CERS6: variants seen among roughly 807,000 people sequenced by gnomAD.
CERS6 encodes LAG1 homolog, ceramide synthase 6.
CERS6 carries 26 observed loss-of-function variants against 56.8 expected under a neutral mutation model. The ratio of observed to expected loss-of-function variants is 0.46; its 90% CI spans 0.34 to 0.63. CERS6 has a LOEUF of 0.63. Ranked by LOEUF, CERS6 falls within the 30% of genes least tolerant of loss-of-function variation. The pLI, the probability that CERS6 is intolerant of heterozygous loss-of-function variation, is 0.01. For missense variants in CERS6, 415 were observed against 467.5 expected (o/e 0.89, Z 1.04); for synonymous variants, 164 against 173.3 (o/e 0.95, Z 0.42).
chr2:168,499,582 A>T (rs1694541858), intron 1 of CERS6, among the ~76,000 whole-genome samples: 4 of 152,088 alleles, frequency 2.6e-5, no homozygotes, highest in African/African-American at 9.7e-5. Flanking sequence ...TTTTTTCTGT[A>T]TGGGTTTCTA....
intron 1 of CERS6, among the ~76,000 whole-genome samples, chr2:168,483,402 C>T (rs558409171): frequency 6.6e-6 from 1 of 152,098 alleles, no homozygotes; most frequent in South Asian, 2.1e-4. Flanking sequence ...CTCAAAATTC[C>T]GAGTTTCAGC....
At chr2:168,628,386 A>C (rs1684638583) in intron 3 of CERS6, among the ~76,000 whole-genome samples, 1 of 152,176 alleles carries the variant, frequency 6.6e-6, no homozygotes, top group Non-Finnish European at 1.5e-5. Flanking sequence ...ATGTCTATAG[A>C]CTTGGCCCCA....
chr2:168,469,309 A>G (rs1027576887), intron 1 of CERS6, among the ~76,000 whole-genome samples: 4 of 152,194 alleles, frequency 2.6e-5, no homozygotes, highest in South Asian at 2.1e-4. Context: ...GTAGTTAGCC[A>G]TGTAAATAAT....
chr2:168,744,003 T>C (rs1402916475), intron 8 of CERS6, among the ~76,000 whole-genome samples: 2 of 130,836 alleles, frequency 1.5e-5, no homozygotes, highest in Non-Finnish European at 1.6e-5. Flanking sequence ...TTCTTTTTTT[T>C]TTTTTTTTTT....
chr2:168,586,430 A>C (rs1267459604), intron 3 of CERS6, among the ~76,000 whole-genome samples: 2 of 152,154 alleles, frequency 1.3e-5, no homozygotes, highest in Admixed American at 6.5e-5. Context: ...AATGAAGATA[A>C]TTGCAAATTA....
intron 8 of CERS6, among the ~76,000 whole-genome samples, chr2:168,719,160 A>G (rs1470888617): frequency 1.3e-5 from 2 of 152,208 alleles, no homozygotes; most frequent in Non-Finnish European, 2.9e-5. Flanking sequence ...GGTAATGCTG[A>G]TAATTCAGTT....
At chr2:168,604,529 A>C (rs1172505531) in intron 3 of CERS6, among the ~76,000 whole-genome samples, 3 of 152,290 alleles carry the variant, frequency 2.0e-5, no homozygotes, top group African/African-American at 7.2e-5. Context: ...GCCAAATCTC[A>C]TGTTGAAATG....
intron 8 of CERS6, among the ~76,000 whole-genome samples, chr2:168,743,995 C>CTTTTTTT (rs58256507): frequency 6.0e-4 from 38 of 63,302 alleles, no homozygotes; most frequent in East Asian, 1.8e-3. Flanking sequence ...TCTTTTTTTT[C>CTTTTTTT]TTTTTTTTTT....
At chr2:168,673,136 A>G (rs1685964436) in intron 4 of CERS6, among the ~76,000 whole-genome samples, 1 of 152,174 alleles carries the variant, frequency 6.6e-6, no homozygotes, top group Non-Finnish European at 1.5e-5. Context: ...TTAATTTCCT[A>G]AATTATTATC....
intron 1 of CERS6, among the ~76,000 whole-genome samples, chr2:168,496,669 A>G (rs1417291370): frequency 1.3e-5 from 2 of 152,184 alleles, no homozygotes; most frequent in Non-Finnish European, 2.9e-5. Flanking sequence ...CTGAAAGTAC[A>G]ACATAGAAGA....
chr2:168,587,888 C>T (rs1301563830), intron 3 of CERS6, among the ~76,000 whole-genome samples: 9 of 152,038 alleles, frequency 5.9e-5, no homozygotes, highest in Middle Eastern at 3.4e-3. Flanking sequence ...AAATTTATTG[C>T]GCTCCTGCTC....
At chr2:168,704,112 CCTTGTCAAA>C (rs77052440) in intron 6 of CERS6, among the ~76,000 whole-genome samples, 5,049 of 152,240 alleles carry the variant, frequency 0.033, 120 homozygotes, top group East Asian at 0.14. Flanking sequence ...CATCCAAGTG[CCTTGTCAAA>C]GGAGAGGCTC....
intron 1 of CERS6, among the ~76,000 whole-genome samples, chr2:168,505,213 A>G (rs7592035): frequency 0.044 from 6,667 of 151,628 alleles, 271 homozygotes; most frequent in East Asian, 0.18. Context: ...CTCTGTCTCT[A>G]TAAAAAATGC....
intron 4 of CERS6, 81 bp downstream of exon 4, chr2:168,631,123 G>A: frequency 1.7e-6 from 1 of 590,292 alleles, no homozygotes. Context: ...ATGTGTGACT[G>A]TAATAATATT....
chr2:168,739,112 T>G (rs1436545527), intron 8 of CERS6, among the ~76,000 whole-genome samples: 1 of 140,880 alleles, frequency 7.1e-6, no homozygotes, highest in Admixed American at 7.6e-5. Context: ...TTTCACCATG[T>G]TTCCCAGGCT....
chr2:168,697,196 G>A (rs1305012225), intron 6 of CERS6, among the ~76,000 whole-genome samples: 1 of 152,114 alleles, frequency 6.6e-6, no homozygotes, highest in African/African-American at 2.4e-5. Context: ...CCCTTAATAT[G>A]GTATATATCA....
At chr2:168,507,131 A>G (rs955774514) in intron 1 of CERS6, among the ~76,000 whole-genome samples, 4 of 152,098 alleles carry the variant, frequency 2.6e-5, no homozygotes, top group African/African-American at 9.7e-5. Context: ...CATCACTTCT[A>G]AGTGCTTCAG....
chr2:168,645,526 T>C (rs1685178083), intron 4 of CERS6, among the ~76,000 whole-genome samples: 1 of 152,136 alleles, frequency 6.6e-6, no homozygotes, highest in South Asian at 2.1e-4. Flanking sequence ...AATAATTTTA[T>C]TTAAAAAAAT....
chr2:168,571,970 C>A (rs995563274), intron 3 of CERS6, among the ~76,000 whole-genome samples: 7 of 152,166 alleles, frequency 4.6e-5, no homozygotes, highest in African/African-American at 1.7e-4. Context: ...AGGCTGTTTA[C>A]TGCTGTTAGG....
Sources: allele counts gnomAD v4.1 joint callset (sites outside exome capture counted in the v4.1 genomes callset), GRCh38; gene constraint gnomAD v4.1.1; transcripts MANE v1.5; gene names NCBI Gene and HGNC (gene_info 2026-07-23, HGNC 2026-07-21).